CNTNAP3B: variants seen among roughly 807,000 people sequenced by gnomAD.
The protein encoded by CNTNAP3B is contactin-associated protein-like 3B.
Under a neutral mutation model 108.9 loss-of-function variants are expected in CNTNAP3B, and 25 were observed. The observed-to-expected ratio is 0.23, with a 90% CI of 0.17 to 0.32. CNTNAP3B has a LOEUF of 0.32. CNTNAP3B is among the 10% of genes least tolerant of loss of function. The pLI is 1.00. For synonymous variants in CNTNAP3B, 103 were observed against 473.4 expected (o/e 0.22, Z 10.16); for missense variants, 252 against 1,210.4 (o/e 0.21, Z 11.75).
At chr9:41,977,259 G>A (rs1305749864) in intron 9 of CNTNAP3B, among the ~76,000 whole-genome samples, 1 of 151,590 alleles carries the variant, frequency 6.6e-6, no homozygotes, top group Non-Finnish European at 1.5e-5. Context: ...TTTATACTTT[G>A]ACAAATCATT....
chr9:42,125,859 C>T (rs1416361830), intron 1 of CNTNAP3B, among the ~76,000 whole-genome samples: 1 of 127,222 alleles, frequency 7.9e-6, no homozygotes, highest in Non-Finnish European at 1.6e-5. Context: ...CTCAAGTGAT[C>T]CACCCGCCTC....
intron 13 of CNTNAP3B, among the ~76,000 whole-genome samples, chr9:41,943,716 G>A (rs1219997931): frequency 2.7e-5 from 4 of 150,732 alleles, no homozygotes; most frequent in Non-Finnish European, 4.4e-5. Flanking sequence ...AGAAGTAGAA[G>A]GAAGAGAGTG....
intron 10 of CNTNAP3B, among the ~76,000 whole-genome samples, chr9:41,965,983 G>A (rs2118237939): frequency 1.3e-5 from 2 of 152,258 alleles, no homozygotes; most frequent in South Asian, 2.1e-4. Context: ...TGGTGTTAAT[G>A]AGCATTTAGT....
At chr9:41,942,319 C>G (rs1186459527) in intron 13 of CNTNAP3B, among the ~76,000 whole-genome samples, 1 of 152,122 alleles carries the variant, frequency 6.6e-6, no homozygotes, top group African/African-American at 2.4e-5. Context: ...ACTAAAAATA[C>G]AAAAAATTGG....
intron 3 of CNTNAP3B, among the ~76,000 whole-genome samples, chr9:42,018,864 G>T (rs1312596657): frequency 5.3e-5 from 8 of 151,598 alleles, no homozygotes; most frequent in African/African-American, 9.8e-5. Context: ...TGATGATCCG[G>T]ACTCACAAGA....
At chr9:41,942,715 A>T (rs1824396531) in intron 13 of CNTNAP3B, among the ~76,000 whole-genome samples, 2 of 152,378 alleles carry the variant, frequency 1.3e-5, no homozygotes, top group Non-Finnish European at 2.9e-5. Context: ...CTGTATAGTA[A>T]CAGGAGATTA....
chr9:42,078,973 T>A (rs1338360447), intron 2 of CNTNAP3B, among the ~76,000 whole-genome samples: 1 of 150,788 alleles, frequency 6.6e-6, no homozygotes, highest in East Asian at 1.9e-4. Flanking sequence ...GGCAAAGAGT[T>A]CCCTTTAAGT....
At chr9:41,942,655 G>A (rs985576708) in intron 13 of CNTNAP3B, among the ~76,000 whole-genome samples, 7 of 151,990 alleles carry the variant, frequency 4.6e-5, no homozygotes, top group African/African-American at 1.7e-4. Flanking sequence ...AAGAGTATAG[G>A]ATGCTTCTCC....
At chr9:42,090,560 ACTATAC>A (rs1827798450) in intron 2 of CNTNAP3B, among the ~76,000 whole-genome samples, 1 of 132,552 alleles carries the variant, frequency 7.5e-6, no homozygotes, top group Non-Finnish European at 1.6e-5. Context: ...ACACAATCTG[ACTATAC>A]CTATATGTCA....
At chr9:41,917,926 G>A (rs1280814525) in intron 18 of CNTNAP3B, among the ~76,000 whole-genome samples, 247 of 151,782 alleles carry the variant, frequency 1.6e-3, no homozygotes, top group East Asian at 3.1e-3. Flanking sequence ...GGGAGGTGCA[G>A]GGAGAGGGTC....
intron 18 of CNTNAP3B, among the ~76,000 whole-genome samples, chr9:41,917,159 G>A (rs974409355): frequency 2.6e-4 from 39 of 147,752 alleles, no homozygotes; most frequent in Non-Finnish European, 3.8e-4. Flanking sequence ...TTTCAATTAC[G>A]TATATGTTGG....
intron 2 of CNTNAP3B, among the ~76,000 whole-genome samples, chr9:42,088,837 A>C (rs1587262860): frequency 7.2e-6 from 1 of 139,534 alleles, no homozygotes; most frequent in Non-Finnish European, 1.5e-5. Context: ...GTAAATTGGC[A>C]CATCTAACAC....
chr9:42,112,526 C>T (rs1183325816), intron 1 of CNTNAP3B, among the ~76,000 whole-genome samples: 1 of 138,554 alleles, frequency 7.2e-6, no homozygotes, highest in Non-Finnish European at 1.5e-5. Context: ...GTTCCCGGGA[C>T]ATGACAGACA....
intron 14 of CNTNAP3B, among the ~76,000 whole-genome samples, chr9:41,931,297 C>G (rs1375158655): frequency 2.0e-5 from 3 of 152,172 alleles, no homozygotes; most frequent in Non-Finnish European, 2.9e-5. Flanking sequence ...ATATCCATCA[C>G]TTTGAGCAGT....
chr9:42,118,642 T>C lies in CNTNAP3B; in HGVS notation c.85+10368A>G, dbSNP rs547686775. Among the ~76,000 whole-genome samples the C allele has an allele frequency of 1.5e-3, 168 of 112,882 alleles. 8 individuals carry two copies. The highest frequency in any genetic ancestry group is 0.013 in the Middle Eastern group (3 of 238). The allele number at this position is 112,882 out of a possible 152,430, so 74.1% of individuals were successfully genotyped here. A position where few individuals can be genotyped will look rare whatever the true frequency, so the allele number is the denominator to read the frequency against. ...AAGACAGGATGCCCTCTCTCACCAC[T>C]CCTATTCAACATAGTGTTGGAAGTT... On this transcript the variant is annotated intron_variant, in intron 1 of 23. Transcript: ENST00000377561.
chr9:42,124,825 GATTTAGAGAC>G lies in CNTNAP3B; in HGVS notation c.85+4175_85+4184del, dbSNP rs1484673438. Among the ~76,000 whole-genome samples the G allele has an allele frequency of 2.2e-5, 3 of 133,804 alleles. 1 individual carries two copies. The highest frequency in any genetic ancestry group is 3.1e-5 in the Non-Finnish European group (2 of 63,528). The allele number at this position is 133,804 out of a possible 152,430, so 87.8% of individuals were successfully genotyped here. On this transcript the variant is annotated intron_variant, in intron 1 of 23. Coordinates refer to ENST00000377561, the MANE Select transcript of CNTNAP3B (RefSeq NM_001201380.3). ...GTCATTCAGAAATCCAGGCTAATTT[GATTTAGAGAC>G]ATATATAAATGAACTGTTATTTCTC... is the stretch of plus-strand genomic sequence containing the variant.
chr9:41,924,426 C>T (rs1211865771), intron 15 of CNTNAP3B, among the ~76,000 whole-genome samples: 1 of 152,304 alleles, frequency 6.6e-6, no homozygotes, highest in Non-Finnish European at 1.5e-5. Flanking sequence ...TACTGAAGAA[C>T]TCGGTAAGAT....
chr9:41,947,343 G>GA (rs1260251114), intron 13 of CNTNAP3B, among the ~76,000 whole-genome samples: 1 of 152,124 alleles, frequency 6.6e-6, no homozygotes, highest in Non-Finnish European at 1.5e-5. Context: ...AATCAAACTG[G>GA]AAATCAATAC....
rs1312377670 is a variant in CNTNAP3B, at chr9:41,990,495, C to T, written c.1333+1115G>A. ...AGTACTGAGATAAGGCCCCGCCCTC[C>T]GAATTTCTTCACGGGTCTTGAAATC... is the stretch of plus-strand genomic sequence containing the variant. On this transcript the variant is annotated intron_variant, in intron 8 of 23. Coordinates refer to ENST00000377561, the MANE Select transcript of CNTNAP3B (RefSeq NM_001201380.3). Among the ~76,000 whole-genome samples, 22 of 130,406 alleles carry T rather than the reference C, an allele frequency of 1.7e-4. 6 individuals are homozygous for T. The highest frequency in any genetic ancestry group is 5.6e-4 in the African/African-American group (18 of 32,012). The allele number at this position is 130,406 out of a possible 152,430, so 85.6% of individuals were successfully genotyped here.
Sources: allele counts gnomAD v4.1 joint callset (sites outside exome capture counted in the v4.1 genomes callset), GRCh38; gene constraint gnomAD v4.1.1; transcripts MANE v1.5; gene names NCBI Gene and HGNC (gene_info 2026-07-23, HGNC 2026-07-21).